FARP1: variants seen among roughly 807,000 people sequenced by gnomAD.
FARP1 encodes FERM, ARH/RhoGEF and pleckstrin domain protein 1.
A neutral mutation model predicts 128.8 loss-of-function variants in FARP1; 52 were observed. The observed-to-expected ratio is 0.40, with a 90% CI of 0.32 to 0.51. The LOEUF is 0.51. Ranked by LOEUF, FARP1 falls within the 20% of genes least tolerant of loss-of-function variation. The probability of loss-of-function intolerance (pLI) is 0.45; values close to 1 mark genes in which losing one functional copy is unlikely to be tolerated. For synonymous variants in FARP1, 580 were observed against 551.8 expected (o/e 1.05, Z -0.72); for missense variants, 1,333 against 1,367.9 (o/e 0.97, Z 0.40).
At chr13:98,440,519 T>C in intron 23 of FARP1, 151 bp from the exon 24 acceptor site, 1 of 724,678 alleles carries the variant, frequency 1.4e-6, no homozygotes, top group Non-Finnish European at 2.2e-6. Context: ...TGACTGGAGC[T>C]GCAGGGTCCA....
chr13:98,324,670 G>C (rs1418709166), intron 2 of FARP1, among the ~76,000 whole-genome samples: 1 of 152,152 alleles, frequency 6.6e-6, no homozygotes, highest in Non-Finnish European at 1.5e-5. Context: ...CCTACCCCTG[G>C]TGTGTGTTTC....
intron 10 of FARP1, 26 bp from the exon 11 acceptor site, chr13:98,390,786 C>T (rs532648397): frequency 1.3e-6 from 2 of 1,579,392 alleles, no homozygotes; most frequent in East Asian, 2.2e-5. Flanking sequence ...TATTTCTCCC[C>T]TTCCCTGTTG....
At chr13:98,300,651 C>T (rs1435435189) in intron 2 of FARP1, among the ~76,000 whole-genome samples, 1 of 152,236 alleles carries the variant, frequency 6.6e-6, no homozygotes, top group African/African-American at 2.4e-5. Flanking sequence ...CTGCTCCGCC[C>T]AGCAGGGCCA....
chr13:98,186,742 A>G (rs1218646276), intron 1 of FARP1, among the ~76,000 whole-genome samples: 1 of 152,040 alleles, frequency 6.6e-6, no homozygotes, highest in Non-Finnish European at 1.5e-5. Context: ...CTGTAATCCC[A>G]GCACTTTGGG....
chr13:98,271,418 A>G (rs1223793906), intron 2 of FARP1, among the ~76,000 whole-genome samples: 1 of 152,190 alleles, frequency 6.6e-6, no homozygotes, highest in Non-Finnish European at 1.5e-5. Context: ...TTTTACTTTA[A>G]GTTCTGGGAT....
intron 2 of FARP1, among the ~76,000 whole-genome samples, chr13:98,231,932 AT>A (rs35383808): frequency 6.6e-6 from 1 of 151,934 alleles, no homozygotes; most frequent in South Asian, 2.1e-4. Flanking sequence ...GGTTCAAGTG[AT>A]TTTCCTGCCT....
chr13:98,330,484 C>T lies in FARP1; in HGVS notation c.172-13278C>T, dbSNP rs895673049. Among the ~76,000 whole-genome samples the T allele has an allele frequency of 7.9e-5, 12 of 152,064 alleles. 2 individuals are homozygous for T. Among genetic ancestry groups the T allele is most frequent in the African/African-American group, 2.4e-4 (10 of 41,472 alleles). ...TTGTCAGAAAAAATATTTCATCTAC[C>T]GGGCATGGTGGCTCACTCCCAGCAC... On this transcript the variant is annotated intron_variant, in intron 2 of 26. Transcript: ENST00000319562.
chr13:98,354,663 C>G (rs984995545), intron 3 of FARP1, among the ~76,000 whole-genome samples: 6 of 151,992 alleles, frequency 3.9e-5, no homozygotes, highest in Non-Finnish European at 7.4e-5. Flanking sequence ...TAAGTATTTA[C>G]GTAAGAGAAA....
In FARP1 at chr13:98,379,204, TATAATATATAATATATAA is replaced by T; in HGVS notation, c.496+1287_496+1304del. ...TAATATATATAATATATAATATATA[TATAATATATAATATATAA>T]TCTATCTATATATAATCTATATATA... On this transcript the variant is annotated intron_variant, in intron 6 of 26. Transcript: ENST00000319562. Among the ~76,000 whole-genome samples, 3 of 97,174 alleles carry T rather than the reference TATAATATATAATATATAA, an allele frequency of 3.1e-5. 1 individual carries two copies. In the Middle Eastern group the frequency reaches 0.013, roughly 426 times the overall value. 63.7% of individuals were successfully genotyped at this position (97,174 alleles called of 152,430 possible).
At chr13:98,163,562 G>C (rs1877032711) in intron 1 of FARP1, among the ~76,000 whole-genome samples, 1 of 151,280 alleles carries the variant, frequency 6.6e-6, no homozygotes, top group Non-Finnish European at 1.5e-5. Flanking sequence ...TTTGAGATGG[G>C]ATCTCACTCT....
At chr13:98,376,633 C>G (rs1261967624) in intron 5 of FARP1, among the ~76,000 whole-genome samples, 1 of 152,114 alleles carries the variant, frequency 6.6e-6, no homozygotes, top group African/African-American at 2.4e-5. Context: ...TCGGTACACA[C>G]CTAGTACTGG....
chr13:98,182,222 C>T (rs531438946), intron 1 of FARP1, among the ~76,000 whole-genome samples: 91 of 151,720 alleles, frequency 6.0e-4, no homozygotes, highest in Non-Finnish European at 9.6e-4. Context: ...GACTTAGTCC[C>T]CTTTTAGGAT....
rs1893292944 is a variant in FARP1 at position 98,453,391 on chromosome 13, T to C, written c.*5074T>C. ...ATGCATATAAAGACTGAGAAGATCA[T>C]GATTCTTACACAAAAACTCCAGAGC... is the stretch of plus-strand genomic sequence containing the variant. On this transcript the variant is annotated 3_prime_UTR_variant, in exon 27 of 27. Coordinates refer to ENST00000319562, the MANE Select transcript of FARP1 (RefSeq NM_005766.4). The C allele has an allele frequency of 1.6e-6, 1 of 623,836 alleles. No individual in the cohort carries two copies. Among genetic ancestry groups the C allele is most frequent in the Non-Finnish European group, 2.7e-6 (1 of 372,606 alleles). 38.6% of individuals were successfully genotyped at this position (623,836 alleles called of 1,614,324 possible).
chr13:98,247,326 T>C (rs1883120767), intron 2 of FARP1, among the ~76,000 whole-genome samples: 2 of 152,214 alleles, frequency 1.3e-5, no homozygotes, highest in Admixed American at 1.3e-4. Context: ...GTGTACTCTG[T>C]TGGTGGTGTG....
intron 2 of FARP1, among the ~76,000 whole-genome samples, chr13:98,275,277 G>A (rs1377965557): frequency 5.3e-5 from 8 of 151,108 alleles, no homozygotes; most frequent in South Asian, 2.1e-4. Flanking sequence ...TTTATGCATG[G>A]AATACATGAT....
intron 1 of FARP1, among the ~76,000 whole-genome samples, chr13:98,146,700 GTCTT>G (rs1391904125): frequency 6.6e-6 from 1 of 152,244 alleles, no homozygotes; most frequent in Non-Finnish European, 1.5e-5. Context: ...AGGTGCTAAA[GTCTT>G]TCTACTTTGG....
At chr13:98,213,469 T>C (rs549052476) in intron 2 of FARP1, 56 bp downstream of exon 2, 683 of 1,565,670 alleles carry the variant, frequency 4.4e-4, no homozygotes, top group Non-Finnish European at 5.8e-4. Flanking sequence ...GCCTTTGGTG[T>C]GAGGAGGTTC....
At chr13:98,407,796 C>A (rs1891038927) in intron 13 of FARP1, among the ~76,000 whole-genome samples, 1 of 152,136 alleles carries the variant, frequency 6.6e-6, no homozygotes, top group Non-Finnish European at 1.5e-5. Context: ...CTCAACCTGG[C>A]ACCAAGGGTG....
chr13:98,387,569 C>A (rs372787575), intron 8 of FARP1, among the ~76,000 whole-genome samples: 86 of 152,270 alleles, frequency 5.6e-4, no homozygotes, highest in African/African-American at 1.9e-3. Context: ...CCTGGTGTTC[C>A]AGTGGGCTCC....
Sources: gnomAD v4.1 joint callset for allele counts (sites outside exome capture counted in the v4.1 genomes callset) on GRCh38, gnomAD v4.1.1 for gene constraint, MANE v1.5 for transcripts, NCBI Gene and HGNC (gene_info 2026-07-23, HGNC 2026-07-21) for gene names.